FAM216A: variants seen among roughly 807,000 people sequenced by gnomAD.
FAM216A encodes the protein protein FAM216A.
A neutral mutation model predicts 37.6 loss-of-function variants in FAM216A; 26 were observed. That is an observed-to-expected ratio of 0.69 (90% CI 0.51 to 0.96). The LOEUF is 0.96. FAM216A is among the 40% of genes least tolerant of loss of function. The probability of loss-of-function intolerance (pLI) is 0.00; values close to 1 mark genes in which losing one functional copy is unlikely to be tolerated. For missense variants in FAM216A, 326 were observed against 339.3 expected, an observed-to-expected ratio of 0.96 and a Z score of 0.31; for synonymous variants, 110 against 121.7, an observed-to-expected ratio of 0.90 and a Z score of 0.64.
intron 3 of FAM216A, among the ~76,000 whole-genome samples, chr12:110,485,497 T>C (rs2062772573): frequency 1.3e-5 from 2 of 152,098 alleles, no homozygotes; most frequent in South Asian, 4.1e-4. Context: ...CCATCTTTTC[T>C]TGAAAATAGA....
At chr12:110,484,362 G>A (rs1340361855) in intron 2 of FAM216A, among the ~76,000 whole-genome samples, 1 of 135,298 alleles carries the variant, frequency 7.4e-6, no homozygotes, top group African/African-American at 2.7e-5. Context: ...GGGAGGCGGA[G>A]CTTGCAGTGA....
chr12:110,470,255 C>T (rs1412724459), intron 1 of FAM216A, among the ~76,000 whole-genome samples: 3 of 151,860 alleles, frequency 2.0e-5, no homozygotes, highest in Non-Finnish European at 4.4e-5. Context: ...CCTGCCACCA[C>T]GCCCGGCTAC....
intron 6 of FAM216A, 89 bp downstream of exon 6, chr12:110,488,032 A>T: frequency 1.3e-6 from 1 of 758,558 alleles, no homozygotes; most frequent in Non-Finnish European, 2.2e-6. Context: ...TATTATGAAG[A>T]TATTAACAAA....
At chr12:110,479,166 A>C (rs1192851602) in intron 2 of FAM216A, among the ~76,000 whole-genome samples, 2 of 151,448 alleles carry the variant, frequency 1.3e-5, no homozygotes. Context: ...TCTGTCTCAA[A>C]AAAAAAAAAA....
At chr12:110,487,765 T>C in intron 5 of FAM216A, 96 bp from the exon 6 acceptor site, 1 of 756,922 alleles carries the variant, frequency 1.3e-6, no homozygotes, top group Admixed American at 2.3e-5. Flanking sequence ...TTTGGTGATG[T>C]TGGCAGCTAA....
At chr12:110,479,337 A>G (rs1044318392) in intron 2 of FAM216A, among the ~76,000 whole-genome samples, 6 of 152,030 alleles carry the variant, frequency 3.9e-5, no homozygotes, top group African/African-American at 7.2e-5. Flanking sequence ...ATACCCATAC[A>G]TATCTATTTC....
chr12:110,476,324 C>T (rs1006525379), intron 2 of FAM216A, among the ~76,000 whole-genome samples: 2 of 151,272 alleles, frequency 1.3e-5, no homozygotes, highest in Admixed American at 6.6e-5. Flanking sequence ...CTCAGCCTCC[C>T]GGGTAGCTGG....
At chr12:110,486,835 AT>A in intron 5 of FAM216A, 118 bp downstream of exon 5, 3 of 901,364 alleles carry the variant, frequency 3.3e-6, no homozygotes, top group Non-Finnish European at 5.0e-6. Flanking sequence ...AGTTTACTGT[AT>A]TCTCAAACTC....
chr12:110,472,088 C>T (rs926569300), intron 1 of FAM216A, among the ~76,000 whole-genome samples: 10 of 151,540 alleles, frequency 6.6e-5, no homozygotes, highest in Non-Finnish European at 1.0e-4. Context: ...AAAAATTAGC[C>T]GGGCGTGGTG....
intron 2 of FAM216A, among the ~76,000 whole-genome samples, chr12:110,478,911 G>A (rs1278751944): frequency 6.6e-6 from 1 of 152,042 alleles, no homozygotes; most frequent in Non-Finnish European, 1.5e-5. Flanking sequence ...ATTTAAGGCC[G>A]GGCGCGGTGG....
intron 1 of FAM216A, among the ~76,000 whole-genome samples, chr12:110,472,677 T>G (rs2062693096): frequency 6.6e-6 from 1 of 152,126 alleles, no homozygotes; most frequent in Non-Finnish European, 1.5e-5. Context: ...TGCAACACTA[T>G]CCTTTTTTAA....
chr12:110,479,017 G>A (rs1294614639), intron 2 of FAM216A, among the ~76,000 whole-genome samples: 2 of 151,868 alleles, frequency 1.3e-5, no homozygotes, highest in African/African-American at 2.4e-5. Flanking sequence ...TGAAACCCCC[G>A]TCTCTACTAA....
At chr12:110,489,465 C>T (rs1432552980) in intron 6 of FAM216A, among the ~76,000 whole-genome samples, 1 of 149,060 alleles carries the variant, frequency 6.7e-6, no homozygotes, top group Admixed American at 6.7e-5. Flanking sequence ...GATCGCGCCA[C>T]TGCACTCTAG....
chr12:110,480,445 C>T (rs935327497), intron 2 of FAM216A, among the ~76,000 whole-genome samples: 11 of 151,654 alleles, frequency 7.3e-5, no homozygotes, highest in African/African-American at 2.2e-4. Context: ...CCTCGTGATC[C>T]GCCCGCCTCG....
intron 2 of FAM216A, among the ~76,000 whole-genome samples, chr12:110,483,410 A>G (rs545916903): frequency 2.8e-4 from 43 of 152,178 alleles, no homozygotes; most frequent in African/African-American, 1.0e-3. Context: ...CTTATACCCT[A>G]AATTACTAGT....
chr12:110,489,848 G>A (rs913298021), intron 6 of FAM216A, among the ~76,000 whole-genome samples, 171 bp from the exon 7 acceptor site: 2 of 152,174 alleles, frequency 1.3e-5, no homozygotes, highest in Non-Finnish European at 2.9e-5. Context: ...ACAGTATTGT[G>A]TATCTTAAAG....
intron 2 of FAM216A, among the ~76,000 whole-genome samples, chr12:110,482,651 C>T (rs979066394): frequency 2.6e-5 from 4 of 151,026 alleles, no homozygotes; most frequent in South Asian, 2.1e-4. Flanking sequence ...AAAAATTAGC[C>T]GGGCGCAGTG....
Position 110,469,028 on chromosome 12 carries a change from G to C in FAM216A, c.143+10G>C. The C allele has an allele frequency of 6.9e-7, 1 of 1,458,200 alleles. No individual in the cohort carries two copies. The highest frequency in any genetic ancestry group is 9.0e-7 in the Non-Finnish European group (1 of 1,107,062). The allele number at this position is 1,458,200 out of a possible 1,614,324, so 90.3% of individuals were successfully genotyped here. On this transcript the variant is annotated intron_variant, in intron 1 of 6. Coordinates refer to ENST00000377673, the MANE Select transcript of FAM216A (RefSeq NM_013300.3). ...AGGGTGGCGGCGGCGGGTGAGGTTGGGGGCCCCGGGGTAAGGGTGGCAGCA... is the reference window on the plus strand; with the variant it reads ...AGGGTGGCGGCGGCGGGTGAGGTTGCGGGCCCCGGGGTAAGGGTGGCAGCA...
chr12:110,481,456 T>TGCCTCA (rs2062746502), intron 2 of FAM216A, among the ~76,000 whole-genome samples: 1 of 152,102 alleles, frequency 6.6e-6, no homozygotes, highest in Non-Finnish European at 1.5e-5. Flanking sequence ...GTGATTCTTC[T>TGCCTCA]GCCTCAGCCT....
Sources: allele counts gnomAD v4.1 joint callset (sites outside exome capture counted in the v4.1 genomes callset), GRCh38; gene constraint gnomAD v4.1.1; transcripts MANE v1.5; gene names NCBI Gene and HGNC (gene_info 2026-07-23, HGNC 2026-07-21).